The following AMN variants were observed in gnomAD, a reference collection of about 807,000 sequenced individuals.
The protein encoded by AMN is amnion associated transmembrane protein, also known as protein amnionless.
In AMN, 40 loss-of-function variants were observed where a neutral mutation model predicts 49.1. The observed-to-expected ratio is 0.81, with a 90% CI of 0.63 to 1.06. The LOEUF (loss-of-function observed/expected upper bound fraction) is 1.06, where lower values mean the gene tolerates loss of function less well. Among genes scored for constraint, AMN ranks in the 50% least tolerant of loss-of-function variants. AMN has a pLI of 0.00. For missense variants in AMN, 701 were observed against 662.8 expected, an observed-to-expected ratio of 1.06 and a Z score of -0.63; for synonymous variants, 380 against 313.3, an observed-to-expected ratio of 1.21 and a Z score of -2.25.
At position 102,922,685 on chromosome 14, in the gene AMN, C is replaced by A. The variant is rs757797348; in HGVS notation, c.-4C>A. ...CCTGGTGGGGTGCAAGGAGCCGAGG[C>A]GAGATGGGCGTCCTGGGCCGGGTCC... On this transcript the variant is annotated 5_prime_UTR_variant, in exon 1 of 12. Transcript: ENST00000299155. The A allele has an allele frequency of 1.3e-6, 2 of 1,599,566 alleles. No individual in the cohort carries two copies. Among genetic ancestry groups the A allele is most frequent in the Non-Finnish European group, 1.7e-6 (2 of 1,175,906 alleles).
chr14:102,930,661 GGGCCGA>G lies in AMN; in HGVS notation c.1354_1359del (p.Glu452_Ala453del), dbSNP rs763564473. The stretch of plus-strand genomic sequence containing the variant: ...TACTTCGTCAACCCTCTGTTCGCCG[GGGCCGA>G]GGCCGAGGCCTGAGCGGCCGCCTGA... On this transcript the variant is annotated inframe_deletion, in exon 12 of 12. Coordinates refer to ENST00000299155, the MANE Select transcript of AMN (RefSeq NM_030943.4). 13 of 1,595,034 alleles carry G rather than the reference GGGCCGA, an allele frequency of 8.2e-6. No homozygotes were observed. Among genetic ancestry groups the G allele is most frequent in the South Asian group, 1.1e-5 (1 of 88,210 alleles).
rs1463405933 is a variant in AMN at position 102,930,561 on chromosome 14, C to G, written c.1258-15C>G. 6.4e-7 allele frequency: 1 copy of G among 1,561,412 alleles called. No homozygotes were observed. Among genetic ancestry groups the G allele is most frequent in the South Asian group, 1.2e-5 (1 of 85,012 alleles). Reference sequence around the variant, plus strand: ...GACTCGGCGCCGACCGCCGCCTGACCCTGTCACCCCGCAGCCCCTGCCGCG... The same window carrying G: ...GACTCGGCGCCGACCGCCGCCTGACGCTGTCACCCCGCAGCCCCTGCCGCG... On this transcript the variant is annotated splice_polypyrimidine_tract_variant and intron_variant, in intron 11 of 11. Coordinates refer to ENST00000299155, the MANE Select transcript of AMN (RefSeq NM_030943.4).
rs1891129794 is a variant in AMN, at chr14:102,923,956, G to C, written c.184G>C (p.Glu62Gln). The change falls in exon 3 of 12, where the codon GAA becomes CAA. Residue 62 changes from glutamate to glutamine, a missense_variant. Coordinates refer to ENST00000299155, the MANE Select transcript of AMN (RefSeq NM_030943.4). ...ADKMVSVLVQ[E>Q]GHAVSDMLLP... ...GCAGATGGTGTCAGTCCTGGTGCAA[G>C]AAGGTCACGCCGTCTCAGACATGGT... The C allele has an allele frequency of 3.7e-6, 6 of 1,613,302 alleles. No homozygotes were observed. The highest frequency in any genetic ancestry group is 5.1e-6 in the Non-Finnish European group (6 of 1,180,044).
At chr14:102,930,375 G>A in intron 10 of AMN, 31 bp from the exon 11 acceptor site, 1 of 1,492,894 alleles carries the variant, frequency 6.7e-7, no homozygotes. Context: ...TGCTCCGAGG[G>A]GCTCACGCTG....
chr14:102,929,349 G>T (rs540821624), intron 6 of AMN, 79 bp from the exon 7 acceptor site: 2 of 1,503,998 alleles, frequency 1.3e-6, no homozygotes, highest in Non-Finnish European at 1.8e-6. Flanking sequence ...GTCTCTCGCC[G>T]GCTTGCTTCT....
chr14:102,930,598 T>A lies in AMN; in HGVS notation c.1280T>A (p.Leu427Gln). 6.3e-7 allele frequency: 1 copy of A among 1,587,782 alleles called. No individual in the cohort carries two copies. The highest frequency in any genetic ancestry group is 8.6e-7 in the Non-Finnish European group (1 of 1,169,062). The change falls in exon 12 of 12, where the codon CTG becomes CAG. Residue 427 changes from leucine (L) to glutamine (Q), a missense_variant. Leu to Gln is a moderately radical substitution (Grantham distance 113). Transcript: ENST00000299155. ...EELPLPRRLS[L>Q]VPKAAADSTS... ...CAGCCCCTGCCGCGGCGGCTCAGCC[T>A]GGTTCCGAAGGCGGCCGCAGACAGC...
intron 3 of AMN, among the ~76,000 whole-genome samples, chr14:102,924,944 A>G (rs1891153573): frequency 6.6e-6 from 1 of 152,236 alleles, no homozygotes; most frequent in Admixed American, 6.5e-5. Flanking sequence ...CTTGAAAAAT[A>G]TATGACATTC....
intron 9 of AMN, 31 bp from the exon 10 acceptor site, chr14:102,930,134 G>A: frequency 6.7e-7 from 1 of 1,501,628 alleles, no homozygotes; most frequent in Non-Finnish European, 8.8e-7. Flanking sequence ...GCCCCGCCGC[G>A]GGGAAGACTG....
At chr14:102,922,838 A>C in intron 1 of AMN, 107 bp downstream of exon 1, 2 of 1,453,324 alleles carry the variant, frequency 1.4e-6, no homozygotes, top group Non-Finnish European at 1.9e-6. Flanking sequence ...AGGAGTGGGC[A>C]GGGAGGGCTT....
chr14:102,929,754 G>A lies in AMN; in HGVS notation c.843+17G>A. On this transcript the variant is annotated intron_variant, in intron 8 of 11. Transcript: ENST00000299155. ...CTGGGTCTGGTAATGGGGCCGCGCG[G>A]GCAGCTGAGGGGAGTCCCGACCCCA... 1 of 1,549,270 alleles carries A rather than the reference G, an allele frequency of 6.5e-7. No homozygotes were observed. Among genetic ancestry groups the A allele is most frequent in the Non-Finnish European group, 8.7e-7 (1 of 1,146,720 alleles).
chr14:102,928,989 G>T lies in AMN; in HGVS notation c.513+14G>T. 1 of 1,597,180 alleles carries T rather than the reference G, an allele frequency of 6.3e-7. No homozygotes were observed. On this transcript the variant is annotated intron_variant, in intron 5 of 11. Transcript: ENST00000299155. ...GCTCTGGGCCGGGTGAGCACTGAGG[G>T]GAGGGAGGCTCGGGTCCCCTCTCCC...
intron 6 of AMN, 81 bp from the exon 7 acceptor site, chr14:102,929,347 C>T (rs1430925436): frequency 1.9e-5 from 29 of 1,502,568 alleles, no homozygotes; most frequent in Non-Finnish European, 2.6e-5. Context: ...CGGTCTCTCG[C>T]CGGCTTGCTT....
At position 102,930,764 on chromosome 14, in the gene AMN, C is replaced by G; in HGVS notation, c.*84C>G. ...GGGGCTAGCCACCTCCTCGTCCAGC[C>G]CCCAAACCTCCCCTTCCTTTCCCCC... is the stretch of plus-strand genomic sequence containing the variant. On this transcript the variant is annotated 3_prime_UTR_variant, in exon 12 of 12. Coordinates refer to ENST00000299155, the MANE Select transcript of AMN (RefSeq NM_030943.4). 1 of 1,386,640 alleles carries G rather than the reference C, an allele frequency of 7.2e-7. No individual in the cohort carries two copies. Among genetic ancestry groups the G allele is most frequent in the South Asian group, 1.2e-5 (1 of 80,410 alleles). 85.9% of individuals were successfully genotyped at this position (1,386,640 alleles called of 1,614,324 possible).
rs1891254073 is a variant in AMN at position 102,928,820 on chromosome 14, T to C, written c.358T>C (p.Ser120Pro). ...FSWHDPHLWR[S>P]GDEAPGLFFV... ...CTGGCATGACCCGCACCTGTGGCGC[T>C]CTGGGGACGAGGCACCTGGCCTCTT... The change falls in exon 5 of 12, where the codon TCT (serine) becomes CCT (proline). Residue 120 changes from serine to proline, a missense_variant. Physicochemically the swap from Ser to Pro is moderately conservative, Grantham distance 74. Transcript: ENST00000299155. 4 of 1,607,386 alleles carry C rather than the reference T, an allele frequency of 2.5e-6. No homozygotes were observed. The highest frequency in any genetic ancestry group is 3.4e-6 in the Non-Finnish European group (4 of 1,179,844).
rs541641988 is a variant in AMN at position 102,930,150 on chromosome 14, G to A, written c.1007-15G>A. 33 of 1,494,426 alleles carry A rather than the reference G, an allele frequency of 2.2e-5. No individual in the cohort carries two copies. The highest frequency in any genetic ancestry group is 2.6e-5 in the Non-Finnish European group (29 of 1,128,516). The allele number at this position is 1,494,426 out of a possible 1,614,324, so 92.6% of individuals were successfully genotyped here. On this transcript the variant is annotated splice_polypyrimidine_tract_variant and intron_variant, in intron 9 of 11. Coordinates refer to ENST00000299155, the MANE Select transcript of AMN (RefSeq NM_030943.4). Reference sequence around the variant, plus strand: ...CCCCGCCGCGGGGAAGACTGAGCCGGCCCCTCCGTCGCAGGCGAGGCCCTC... The same window carrying A: ...CCCCGCCGCGGGGAAGACTGAGCCGACCCCTCCGTCGCAGGCGAGGCCCTC...
At position 102,930,054 on chromosome 14, in the gene AMN, C is replaced by G. The variant is rs1595434440; in HGVS notation, c.974C>G (p.Ala325Gly). 1 of 1,545,776 alleles carries G rather than the reference C, an allele frequency of 6.5e-7. No individual in the cohort carries two copies. The highest frequency in any genetic ancestry group is 8.7e-7 in the Non-Finnish European group (1 of 1,146,116). ...GPETGGAGRL[A>G]RALLADVAEN... ...GAGACAGGCGGAGCGGGGCGGCTGG[C>G]CCGGGCCCTCCTGGCGGACGTCGCC... The change falls in exon 9 of 12, where the codon GCC becomes GGC. Residue 325 changes from alanine to glycine, a missense_variant. Physicochemically the swap from Ala to Gly is moderately conservative, Grantham distance 60. Coordinates refer to ENST00000299155, the MANE Select transcript of AMN (RefSeq NM_030943.4).
At position 102,930,275 on chromosome 14, in the gene AMN, C is replaced by A; in HGVS notation, c.1117C>A (p.Leu373Met). Residue 373 changes from leucine to methionine, a missense_variant, in exon 10 of 12, where the codon CTG (leucine) becomes ATG (methionine). Leu to Met is a conservative substitution (Grantham distance 15). Transcript: ENST00000299155. ...GGVAAAVLLA[L>M]LVLLVAPPLL... Reference sequence around the variant, plus strand: ...CGTGGCGGCTGCCGTGCTGCTGGCGCTGCTGGTCCTGCTGGTGGCGCCGCC... The same window carrying A: ...CGTGGCGGCTGCCGTGCTGCTGGCGATGCTGGTCCTGCTGGTGGCGCCGCC... The A allele has an allele frequency of 7.3e-7, 1 of 1,374,240 alleles. No individual in the cohort carries two copies. The allele number at this position is 1,374,240 out of a possible 1,614,324, so 85.1% of individuals were successfully genotyped here.
At position 102,928,683 on chromosome 14, in the gene AMN, GC is replaced by G. The variant is rs542167913; in HGVS notation, c.296-74del. On this transcript the variant is annotated intron_variant, in intron 4 of 11. Transcript: ENST00000299155. ...GGGGCTTGGGAGGTCGTGCTCAGAC[GC>G]GTGGCGTGGCGTGGCGTGGCGTGGT... is the stretch of plus-strand genomic sequence containing the variant. The G allele has an allele frequency of 6.0e-5, 89 of 1,494,188 alleles. 1 individual carries two copies. In the South Asian group the frequency reaches 9.6e-4, roughly 16 times the overall value. The allele number at this position is 1,494,188 out of a possible 1,614,324, so 92.6% of individuals were successfully genotyped here.
intron 3 of AMN, among the ~76,000 whole-genome samples, 162 bp downstream of exon 3, chr14:102,924,141 G>A (rs1891134836): frequency 6.6e-6 from 1 of 152,168 alleles, no homozygotes; most frequent in Non-Finnish European, 1.5e-5. Context: ...GGAGTGGGGG[G>A]GAACCTAGGG....
Sources: allele counts gnomAD v4.1 joint callset (sites outside exome capture counted in the v4.1 genomes callset), GRCh38; gene constraint gnomAD v4.1.1; transcripts MANE v1.5; gene names NCBI Gene and HGNC (gene_info 2026-07-23, HGNC 2026-07-21).